The following PDE4B variants were observed in gnomAD, a reference collection of about 807,000 sequenced individuals.
The protein encoded by PDE4B is 3',5'-cyclic-AMP phosphodiesterase 4B.
Under a neutral mutation model 82.2 loss-of-function variants are expected in PDE4B, and 20 were observed. The observed-to-expected ratio is 0.24, with a 90% confidence interval of 0.17 to 0.35. The LOEUF (loss-of-function observed/expected upper bound fraction) is 0.35, where lower values mean the gene tolerates loss of function less well. Among genes scored for constraint, PDE4B ranks in the 10% least tolerant of loss-of-function variants. PDE4B has a pLI of 1.00. For missense variants in PDE4B, 655 were observed against 907.2 expected (o/e 0.72, Z 3.57); for synonymous variants, 320 against 318.9 (o/e 1.00, Z -0.04).
At chr1:65,937,089 T>C (rs1055819681) in intron 3 of PDE4B, among the ~76,000 whole-genome samples, 2 of 152,206 alleles carry the variant, frequency 1.3e-5, no homozygotes, top group Non-Finnish European at 2.9e-5. Context: ...TTCTCCTTTG[T>C]TGTTCCCTCA....
intron 3 of PDE4B, among the ~76,000 whole-genome samples, chr1:65,982,576 T>A (rs191808068): frequency 2.0e-5 from 3 of 152,262 alleles, no homozygotes; most frequent in Non-Finnish European, 4.4e-5. Context: ...CAGGAATAGA[T>A]ATGTGATCAT....
At chr1:66,128,021 A>G (rs1570299941) in intron 3 of PDE4B, among the ~76,000 whole-genome samples, 1 of 152,298 alleles carries the variant, frequency 6.6e-6, no homozygotes, top group Admixed American at 6.5e-5. Flanking sequence ...GTAAATGTTT[A>G]TATGTTTGAC....
At chr1:65,809,478 G>T (rs1392161285) in intron 1 of PDE4B, among the ~76,000 whole-genome samples, 1 of 151,668 alleles carries the variant, frequency 6.6e-6, no homozygotes, top group Non-Finnish European at 1.5e-5. Context: ...CACTCATTAA[G>T]CCATTTAGAC....
chr1:65,835,808 C>A (rs1646133427), intron 1 of PDE4B, among the ~76,000 whole-genome samples: 1 of 152,060 alleles, frequency 6.6e-6, no homozygotes, highest in African/African-American at 2.4e-5. Flanking sequence ...CAGAGGATTT[C>A]TACTAAAAAT....
chr1:65,977,438 C>T (rs1650466530), intron 3 of PDE4B, among the ~76,000 whole-genome samples: 1 of 152,122 alleles, frequency 6.6e-6, no homozygotes, highest in Admixed American at 6.5e-5. Context: ...ATTCTTGAAA[C>T]TCAATTGTTT....
chr1:66,339,345 C>T (rs575610603), intron 8 of PDE4B, among the ~76,000 whole-genome samples: 1 of 152,306 alleles, frequency 6.6e-6, no homozygotes, highest in South Asian at 2.1e-4. Flanking sequence ...ATTCCAAGTT[C>T]TAGTCTTCTC....
intron 3 of PDE4B, among the ~76,000 whole-genome samples, chr1:65,930,024 A>G (rs1363697860): frequency 6.6e-6 from 1 of 152,156 alleles, no homozygotes; most frequent in Admixed American, 6.5e-5. Flanking sequence ...AACTACTAGG[A>G]TACAAAGTCC....
chr1:65,898,148 C>T (rs752064134), intron 1 of PDE4B, among the ~76,000 whole-genome samples: 1 of 152,012 alleles, frequency 6.6e-6, no homozygotes, highest in Non-Finnish European at 1.5e-5. Context: ...TGAGAAGTGT[C>T]TCTTCATGTC....
At chr1:65,879,456 A>C (rs1470661736) in intron 1 of PDE4B, among the ~76,000 whole-genome samples, 1 of 152,212 alleles carries the variant, frequency 6.6e-6, no homozygotes, top group Non-Finnish European at 1.5e-5. Flanking sequence ...TCATAAATAA[A>C]TAACATATAA....
chr1:65,918,568 C>T (rs1647188040), intron 2 of PDE4B, 29 bp from the exon 3 acceptor site: 2 of 1,303,046 alleles, frequency 1.5e-6, no homozygotes, highest in South Asian at 1.2e-5. Context: ...TCTTTCTCTT[C>T]TTTTTTTCTT....
chr1:66,206,036 A>G (rs1649520296), intron 3 of PDE4B, among the ~76,000 whole-genome samples: 1 of 152,184 alleles, frequency 6.6e-6, no homozygotes, highest in African/African-American at 2.4e-5. Context: ...AGGGGTTTCT[A>G]CACTATGATC....
intron 3 of PDE4B, among the ~76,000 whole-genome samples, chr1:66,024,154 G>T (rs1031050411): frequency 6.6e-6 from 1 of 152,042 alleles, no homozygotes; most frequent in Non-Finnish European, 1.5e-5. Context: ...AAGTAGAGTT[G>T]CTTATACTTA....
rs569920440 is a variant in PDE4B at position 65,997,855 on chromosome 1, G to A, written c.281+79020G>A. On this transcript the variant is annotated intron_variant, in intron 3 of 16. Transcript: ENST00000341517. Reference sequence around the variant, plus strand: ...GGGAATAATGCTACTGAAGCATGTTGTTCAACTTGTCATGAGGGCACAGAA... The same window carrying A: ...GGGAATAATGCTACTGAAGCATGTTATTCAACTTGTCATGAGGGCACAGAA... 9.8e-5 allele frequency among the ~76,000 whole-genome samples: 15 copies of A among 152,288 alleles called. No homozygotes were observed. In the East Asian group the frequency reaches 2.9e-3, roughly 29 times the overall value.
Position 65,806,830 on chromosome 1 carries a change from C to T in PDE4B, c.-71+13582C>T, listed in dbSNP as rs12239020. On this transcript the variant is annotated intron_variant, in intron 1 of 16. Transcript: ENST00000341517. ...ACTCTCATTACTGCTATCTCTCTGACGGCAGTTGTAAAATACTGTCAATTG... is the reference window on the plus strand; with the variant it reads ...ACTCTCATTACTGCTATCTCTCTGATGGCAGTTGTAAAATACTGTCAATTG... 3.7e-3 allele frequency among the ~76,000 whole-genome samples: 561 copies of T among 152,264 alleles called. 2 individuals are homozygous for T. The highest frequency in any genetic ancestry group is 0.013 in the African/African-American group (535 of 41,550).
At chr1:66,314,129 A>T (rs1658858229) in intron 7 of PDE4B, among the ~76,000 whole-genome samples, 1 of 152,046 alleles carries the variant, frequency 6.6e-6, no homozygotes, top group Non-Finnish European at 1.5e-5. Flanking sequence ...CCTTCCAAAC[A>T]TTGCTTAGAA....
rs754311209 is a variant in PDE4B, at chr1:66,181,985, AT to A, written c.282-65467del. On this transcript the variant is annotated intron_variant, in intron 3 of 16. Coordinates refer to ENST00000341517, the MANE Select transcript of PDE4B (RefSeq NM_002600.4). ...ACTTTAAATAATTATATTAAATGCT[AT>A]TTTTTTTGATTTCAATATATTATTA... is the stretch of plus-strand genomic sequence containing the variant. Among the ~76,000 whole-genome samples, 606 of 151,716 alleles carry A rather than the reference AT, an allele frequency of 4.0e-3. 3 individuals are homozygous for A. Among genetic ancestry groups the A allele is most frequent in the African/African-American group, 0.013 (557 of 41,396 alleles).
chr1:66,292,279 A>G (rs374106466), intron 7 of PDE4B, among the ~76,000 whole-genome samples: 9 of 152,326 alleles, frequency 5.9e-5, no homozygotes, highest in African/African-American at 1.4e-4. Flanking sequence ...AGTGTTTTAT[A>G]TATCTATTTC....
intron 3 of PDE4B, among the ~76,000 whole-genome samples, chr1:65,986,343 T>C (rs1192580597): frequency 1.3e-5 from 2 of 152,186 alleles, no homozygotes; most frequent in African/African-American, 4.8e-5. Context: ...TACAGATGGA[T>C]GAAACAGCTG....
At chr1:66,081,558 A>G (rs1201834942) in intron 3 of PDE4B, among the ~76,000 whole-genome samples, 1 of 152,176 alleles carries the variant, frequency 6.6e-6, no homozygotes, top group Admixed American at 6.6e-5. Flanking sequence ...AGTGTATATA[A>G]TAAATAAAGA....
Sources: gnomAD v4.1 joint callset for allele counts (sites outside exome capture counted in the v4.1 genomes callset) on GRCh38, gnomAD v4.1.1 for gene constraint, MANE v1.5 for transcripts, NCBI Gene and HGNC (gene_info 2026-07-23, HGNC 2026-07-21) for gene names.